C12orf75: variants seen among roughly 807,000 people sequenced by gnomAD.
The protein encoded by C12orf75 is overexpressed in colon carcinoma 1 protein.
C12orf75 carries 4 observed loss-of-function variants against 11.4 expected under a neutral mutation model. That is an observed-to-expected ratio of 0.35 (90% CI 0.17 to 0.80). The LOEUF (loss-of-function observed/expected upper bound fraction) is 0.80. Among genes scored for constraint, C12orf75 ranks in the 30% least tolerant of loss-of-function variants. C12orf75 has a pLI of 0.52. For synonymous variants in C12orf75, 30 were observed against 30.0 expected, an observed-to-expected ratio of 1.00 and a Z score of 0.00; for missense variants, 89 against 80.4, an observed-to-expected ratio of 1.11 and a Z score of -0.41.
intron 1 of C12orf75, among the ~76,000 whole-genome samples, chr12:105,338,589 C>G (rs1181322144): frequency 6.6e-6 from 1 of 152,118 alleles, no homozygotes; most frequent in African/African-American, 2.4e-5. Context: ...GTATTTGGCT[C>G]GTGGTTCTGC....
At chr12:105,331,749 C>T (rs1321622089) in intron 1 of C12orf75, among the ~76,000 whole-genome samples, 1 of 152,134 alleles carries the variant, frequency 6.6e-6, no homozygotes, top group Non-Finnish European at 1.5e-5. Context: ...TTCACCCTGC[C>T]TATGTCTCGG....
At chr12:105,340,017 C>T (rs1892547900) in intron 1 of C12orf75, among the ~76,000 whole-genome samples, 1 of 152,204 alleles carries the variant, frequency 6.6e-6, no homozygotes, top group African/African-American at 2.4e-5. Context: ...CTGTATAATA[C>T]TGAAGACATG....
intron 2 of C12orf75, among the ~76,000 whole-genome samples, chr12:105,362,128 T>C (rs1352834751): frequency 6.6e-6 from 1 of 152,024 alleles, no homozygotes; most frequent in African/African-American, 2.4e-5. Context: ...GGCTCACGCC[T>C]GTAATCCCAG....
chr12:105,341,762 T>C (rs1892577176), intron 1 of C12orf75, among the ~76,000 whole-genome samples: 2 of 152,186 alleles, frequency 1.3e-5, no homozygotes, highest in African/African-American at 4.8e-5. Flanking sequence ...GGTTTGGCTG[T>C]GTCTCCACCC....
At chr12:105,365,345 A>G (rs1871433708) in intron 2 of C12orf75, among the ~76,000 whole-genome samples, 1 of 152,210 alleles carries the variant, frequency 6.6e-6, no homozygotes. Context: ...CTGAAGTGTC[A>G]TAAGAGATCT....
At chr12:105,354,232 T>C (rs1892747854) in intron 2 of C12orf75, among the ~76,000 whole-genome samples, 2 of 152,206 alleles carry the variant, frequency 1.3e-5, no homozygotes, top group Admixed American at 6.5e-5. Flanking sequence ...CTTCACCATT[T>C]GCTAGCTGTG....
At chr12:105,341,704 T>A (rs1892576538) in intron 1 of C12orf75, among the ~76,000 whole-genome samples, 1 of 152,178 alleles carries the variant, frequency 6.6e-6, no homozygotes, top group Non-Finnish European at 1.5e-5. Context: ...ACAGTCCTGA[T>A]GGGTAGATAA....
Position 105,330,807 on chromosome 12 carries a change from G to C in C12orf75, c.-85G>C. 2.5e-6 allele frequency: 3 copies of C among 1,208,032 alleles called. No individual in the cohort carries two copies. The highest frequency in any genetic ancestry group is 3.1e-6 in the Non-Finnish European group (3 of 971,128). 74.8% of individuals were successfully genotyped at this position (1,208,032 alleles called of 1,614,324 possible). On this transcript the variant is annotated 5_prime_UTR_variant, in exon 1 of 6. Transcript: ENST00000443585. ...CGCGGCCCCGTCAGCCTCCCGCTCG[G>C]GGTGCGCCGCCCTTCGTCTGGGTCT...
intron 1 of C12orf75, among the ~76,000 whole-genome samples, chr12:105,342,152 A>G (rs763578382): frequency 1.3e-5 from 2 of 152,208 alleles, no homozygotes; most frequent in African/African-American, 4.8e-5. Context: ...GTTCCCCAAC[A>G]TGTGTTGGAA....
At chr12:105,353,493 T>C (rs1892739497) in intron 2 of C12orf75, 1 of 152,036 alleles carries the variant, frequency 6.6e-6, no homozygotes, top group African/African-American at 2.4e-5. Flanking sequence ...ATCAGTATCA[T>C]CAGCCCCACC....
intron 2 of C12orf75, among the ~76,000 whole-genome samples, chr12:105,363,673 C>T (rs948544546): frequency 3.3e-5 from 5 of 151,196 alleles, no homozygotes; most frequent in Admixed American, 6.6e-5. Context: ...TGCAGGGAGC[C>T]GAGATTGTGC....
At chr12:105,359,402 G>C (rs1892828513) in intron 2 of C12orf75, among the ~76,000 whole-genome samples, 1 of 152,206 alleles carries the variant, frequency 6.6e-6, no homozygotes, top group African/African-American at 2.4e-5. Context: ...CCAGTTTTTA[G>C]TGCGTTGGCT....
intron 2 of C12orf75, among the ~76,000 whole-genome samples, chr12:105,358,498 G>A (rs1312660686): frequency 1.3e-5 from 2 of 152,188 alleles, no homozygotes; most frequent in Non-Finnish European, 2.9e-5. Context: ...TCCAGCCTAG[G>A]CTATGGAGCA....
intron 1 of C12orf75, 83 bp downstream of exon 1, chr12:105,331,020 G>A: frequency 1.1e-6 from 1 of 871,940 alleles, no homozygotes. Context: ...TTGGGTGGGG[G>A]GCGCGCAGCC....
intron 2 of C12orf75, among the ~76,000 whole-genome samples, chr12:105,349,581 A>G (rs912671782): frequency 4.6e-5 from 7 of 152,234 alleles, no homozygotes; most frequent in Non-Finnish European, 1.0e-4. Flanking sequence ...CAATGGTCAA[A>G]TACCAAAAAT....
chr12:105,339,194 C>T (rs1892535060), intron 1 of C12orf75, among the ~76,000 whole-genome samples: 1 of 151,786 alleles, frequency 6.6e-6, no homozygotes, highest in South Asian at 2.1e-4. Context: ...AAGAGCATAG[C>T]AAGCTGTCAA....
At chr12:105,357,886 C>T (rs148528886) in intron 2 of C12orf75, among the ~76,000 whole-genome samples, 67 of 151,334 alleles carry the variant, frequency 4.4e-4, no homozygotes, top group African/African-American at 1.5e-3. Flanking sequence ...GCTCTGTTGC[C>T]CAGGCTGGAG....
chr12:105,352,188 G>T (rs1022211978), intron 2 of C12orf75, among the ~76,000 whole-genome samples: 1 of 152,202 alleles, frequency 6.6e-6, no homozygotes, highest in Non-Finnish European at 1.5e-5. Flanking sequence ...AGGTCATGGG[G>T]GGCTGAAGGA....
intron 1 of C12orf75, among the ~76,000 whole-genome samples, chr12:105,344,716 A>G (rs1022335316): frequency 2.4e-4 from 36 of 150,504 alleles, no homozygotes; most frequent in South Asian, 4.2e-4. Flanking sequence ...GCCGCACTCC[A>G]GCCTAGGCAA....
Sources: allele counts gnomAD v4.1 joint callset (sites outside exome capture counted in the v4.1 genomes callset), GRCh38; gene constraint gnomAD v4.1.1; transcripts MANE v1.5; gene names NCBI Gene and HGNC (gene_info 2026-07-23, HGNC 2026-07-21).